IGSF10: variants seen among roughly 807,000 people sequenced by gnomAD.
The protein encoded by IGSF10 is calvaria mechanical force protein 608.
In IGSF10, 126 loss-of-function variants were observed where a neutral mutation model predicts 128.2. That is an observed-to-expected ratio of 0.98 (90% CI 0.85 to 1.14). The LOEUF is 1.14. Ranked by LOEUF, IGSF10 falls within the 50% of genes most tolerant of loss-of-function variation. The pLI is 0.00. For missense variants in IGSF10, 3,295 were observed against 3,149.8 expected, an observed-to-expected ratio of 1.05 and a Z score of -1.10; for synonymous variants, 1,185 against 1,146.2, an observed-to-expected ratio of 1.03 and a Z score of -0.68.
At chr3:151,546,864 G>C in the IGSF10 span, among the ~76,000 whole-genome samples, 1 of 151,814 alleles carries the variant, frequency 6.6e-6, no homozygotes, top group East Asian at 1.9e-4. Flanking sequence ...TCCGCCTCCC[G>C]GGTTCAAGCA....
At chr3:151,582,982 A>G in the IGSF10 span, among the ~76,000 whole-genome samples, 1 of 151,908 alleles carries the variant, frequency 6.6e-6, no homozygotes, top group African/African-American at 2.4e-5. Context: ...GCTTGCCTAG[A>G]GGTTTATTTT....
chr3:151,571,628 G>A, the IGSF10 span, among the ~76,000 whole-genome samples: 1 of 151,514 alleles, frequency 6.6e-6, no homozygotes, highest in African/African-American at 2.4e-5. Context: ...GGGCTGAGAC[G>A]ATGGGGTTTT....
At chr3:151,551,437 A>G in the IGSF10 span, among the ~76,000 whole-genome samples, 1 of 152,086 alleles carries the variant, frequency 6.6e-6, no homozygotes. Flanking sequence ...TGTGTTTTGC[A>G]TCACCTCAAT....
At chr3:151,564,297 C>A in the IGSF10 span, among the ~76,000 whole-genome samples, 1 of 152,068 alleles carries the variant, frequency 6.6e-6, no homozygotes, top group African/African-American at 2.4e-5. Flanking sequence ...CATCAGTACA[C>A]ACATTCAATT....
chr3:151,588,289 T>C, the IGSF10 span, among the ~76,000 whole-genome samples: 1 of 152,178 alleles, frequency 6.6e-6, no homozygotes, highest in Non-Finnish European at 1.5e-5. Context: ...TGATGGCCTT[T>C]CTTGTTCTGG....
At chr3:151,483,725 C>T in the IGSF10 span, among the ~76,000 whole-genome samples, 4 of 152,184 alleles carry the variant, frequency 2.6e-5, no homozygotes, top group South Asian at 2.1e-4. Flanking sequence ...AACTCCCTCT[C>T]TTAGCCAAGG....
At chr3:151,600,764 A>C in the IGSF10 span, among the ~76,000 whole-genome samples, 1 of 152,156 alleles carries the variant, frequency 6.6e-6, no homozygotes, top group African/African-American at 2.4e-5. Flanking sequence ...TCAAAATGAT[A>C]TAATAGTCAA....
In IGSF10 at chr3:151,436,503, C is replaced by CATTAA. The variant is rs1260838127; in HGVS notation, c.*181_*185dup. The CATTAA allele has an allele frequency of 6.4e-6, 3 of 472,024 alleles. No homozygotes were observed. The highest frequency in any genetic ancestry group is 5.9e-5 in the African/African-American group (3 of 50,556). 29.2% of individuals were successfully genotyped at this position (472,024 alleles called of 1,614,324 possible). The stretch of plus-strand genomic sequence containing the variant: ...TAAGTTAAAAGTTTGTTTTGAGATC[C>CATTAA]ATTAAATAAATCAGTATCATCAGTT... On this transcript the variant is annotated 3_prime_UTR_variant, in exon 8 of 8. Coordinates refer to ENST00000282466, the MANE Select transcript of IGSF10 (RefSeq NM_178822.5).
the IGSF10 span, among the ~76,000 whole-genome samples, chr3:151,537,973 T>C: frequency 2.0e-5 from 3 of 152,196 alleles, no homozygotes; most frequent in Non-Finnish European, 2.9e-5. Flanking sequence ...GCAGCTAGGA[T>C]CCCTCTCATG....
the IGSF10 span, among the ~76,000 whole-genome samples, chr3:151,534,230 G>T: frequency 2.8e-4 from 42 of 152,322 alleles, no homozygotes; most frequent in African/African-American, 8.9e-4. Flanking sequence ...TTCAACCATT[G>T]TGGAAGACAG....
At chr3:151,477,298 G>A in the IGSF10 span, among the ~76,000 whole-genome samples, 3 of 152,002 alleles carry the variant, frequency 2.0e-5, no homozygotes, top group African/African-American at 4.8e-5. Flanking sequence ...TTCTCTGATA[G>A]TAGGGAAAAG....
Position 151,436,877 on chromosome 3 carries a change from A to ACG in IGSF10, c.7683_7684insCG (p.Trp2562ArgfsTer30), listed in dbSNP as rs1720315920. 6.2e-7 allele frequency: 1 copy of ACG among 1,614,038 alleles called. No homozygotes were observed. The highest frequency in any genetic ancestry group is 1.3e-5 in the African/African-American group (1 of 74,916). ...AGAAGGGAGTGGTCAGGCATCTCCCATGTGATTTCTGGCTTGGGAACTCCC... is the reference window on the plus strand; with the variant it reads ...AGAAGGGAGTGGTCAGGCATCTCCCACGTGTGATTTCTGGCTTGGGAACTCCC... On this transcript the variant is annotated frameshift_variant, in exon 8 of 8. Transcript: ENST00000282466. LOFTEE classifies it low-confidence loss of function (END_TRUNC).
the IGSF10 span, among the ~76,000 whole-genome samples, chr3:151,492,683 A>T: frequency 6.6e-6 from 1 of 152,116 alleles, no homozygotes; most frequent in African/African-American, 2.4e-5. Context: ...GCGCCACTGC[A>T]CTCCAGCCTG....
intron 6 of IGSF10, 43 bp downstream of exon 6, chr3:151,444,876 G>C (rs755673089): frequency 1.9e-5 from 28 of 1,506,048 alleles, no homozygotes; most frequent in Admixed American, 6.7e-5. Flanking sequence ...TCTTCTTCTT[G>C]TTTTCTAACA....
chr3:151,563,251 C>T, the IGSF10 span, among the ~76,000 whole-genome samples: 1 of 152,122 alleles, frequency 6.6e-6, no homozygotes, highest in Non-Finnish European at 1.5e-5. Flanking sequence ...CTTCCCATTT[C>T]TCCTACCTGG....
chr3:151,448,256 G>GAA lies in IGSF10; in HGVS notation c.1724_1725insTT (p.Tyr576SerfsTer51). The GAA allele has an allele frequency of 6.2e-7, 1 of 1,614,174 alleles. No individual in the cohort carries two copies. The highest frequency in any genetic ancestry group is 8.5e-7 in the Non-Finnish European group (1 of 1,180,008). On this transcript the variant is annotated frameshift_variant, in exon 6 of 8. Coordinates refer to ENST00000282466, the MANE Select transcript of IGSF10 (RefSeq NM_178822.5). LOFTEE classifies it high-confidence loss of function. ...TGTGATGAATCCCATTTTCCTGATA[G>GAA]GCTTCGACCAAAGGTTCTACCACAG...
chr3:151,549,322 G>T, the IGSF10 span, among the ~76,000 whole-genome samples: 1 of 152,138 alleles, frequency 6.6e-6, no homozygotes, highest in African/African-American at 2.4e-5. Flanking sequence ...CTGTCTACCA[G>T]CCCAGAGATC....
At chr3:151,556,367 A>T in the IGSF10 span, among the ~76,000 whole-genome samples, 2 of 152,168 alleles carry the variant, frequency 1.3e-5, no homozygotes, top group Non-Finnish European at 2.9e-5. Flanking sequence ...TGAAGAATGC[A>T]CTCAATGAGC....
chr3:151,544,090 G>A, the IGSF10 span, among the ~76,000 whole-genome samples: 763 of 152,216 alleles, frequency 5.0e-3, 15 homozygotes, highest in East Asian at 0.061. Context: ...TGTATTTTTA[G>A]TAGAGAAGGG....
Sources: allele counts gnomAD v4.1 joint callset (sites outside exome capture counted in the v4.1 genomes callset), GRCh38; gene constraint gnomAD v4.1.1; transcripts MANE v1.5; gene names NCBI Gene and HGNC (gene_info 2026-07-23, HGNC 2026-07-21).